SNX29: variants seen among roughly 807,000 people sequenced by gnomAD.
SNX29 encodes the protein sorting nexin 29.
Under a neutral mutation model 102.1 loss-of-function variants are expected in SNX29, and 78 were observed. The ratio of observed to expected loss-of-function variants is 0.76; its 90% CI spans 0.64 to 0.92. The LOEUF is 0.92. Ranked by LOEUF, SNX29 falls within the 40% of genes least tolerant of loss-of-function variation. The pLI, the probability that SNX29 is intolerant of heterozygous loss-of-function variation, is 0.00. For missense variants in SNX29, 1,280 were observed against 1,061.7 expected, an observed-to-expected ratio of 1.21 and a Z score of -2.86; for synonymous variants, 580 against 414.5, an observed-to-expected ratio of 1.40 and a Z score of -4.85.
chr16:12,543,243 C>G (rs185207951), intron 20 of SNX29, among the ~76,000 whole-genome samples: 3 of 152,184 alleles, frequency 2.0e-5, no homozygotes, highest in African/African-American at 7.2e-5. Flanking sequence ...TCTAGAGATT[C>G]TGAATGATGC....
chr16:12,276,724 G>T (rs1396813055), intron 14 of SNX29, among the ~76,000 whole-genome samples: 1 of 152,092 alleles, frequency 6.6e-6, no homozygotes, highest in Non-Finnish European at 1.5e-5. Context: ...GGTCTTCCCT[G>T]TTCTTGTTTT....
chr16:12,420,172 G>GTC (rs1438754905), intron 18 of SNX29, among the ~76,000 whole-genome samples: 3 of 152,234 alleles, frequency 2.0e-5, no homozygotes, highest in African/African-American at 7.2e-5. Context: ...AAGCTAAGAT[G>GTC]TCTCCAGCAT....
rs573852987 is a variant in SNX29, at chr16:12,157,206, G to A, written c.1595+27448G>A. On this transcript the variant is annotated intron_variant, in intron 13 of 20. Transcript: ENST00000566228. ...ATCCACCAACATCCACCCCCCATAGGCTGATGGTTGTCCCCTCAAGGTGCT... is the reference window on the plus strand; with the variant it reads ...ATCCACCAACATCCACCCCCCATAGACTGATGGTTGTCCCCTCAAGGTGCT... Among the ~76,000 whole-genome samples the A allele has an allele frequency of 2.6e-5, 4 of 152,270 alleles. No individual in the cohort carries two copies. In the South Asian group the frequency reaches 6.2e-4, roughly 24 times the overall value.
intron 13 of SNX29, among the ~76,000 whole-genome samples, chr16:12,190,203 C>T (rs546275158): frequency 2.4e-4 from 36 of 152,284 alleles, no homozygotes; most frequent in Non-Finnish European, 4.1e-4. Context: ...TGGCCTAGTG[C>T]TGGAGGGTAG....
At chr16:12,423,564 G>C (rs2084947570) in intron 18 of SNX29, among the ~76,000 whole-genome samples, 1 of 151,960 alleles carries the variant, frequency 6.6e-6, no homozygotes, top group Non-Finnish European at 1.5e-5. Flanking sequence ...TTTGGGACAT[G>C]CTTTTTTTTC....
intron 13 of SNX29, among the ~76,000 whole-genome samples, chr16:12,155,164 G>C (rs981240002): frequency 6.6e-6 from 1 of 152,130 alleles, no homozygotes; most frequent in East Asian, 1.9e-4. Flanking sequence ...GCGCCCAGGG[G>C]ACTCTGGCTC....
intron 15 of SNX29, among the ~76,000 whole-genome samples, chr16:12,330,087 GAATT>G (rs1300888375): frequency 2.0e-5 from 3 of 152,158 alleles, no homozygotes; most frequent in African/African-American, 7.2e-5. Flanking sequence ...GTTGTTTTGA[GAATT>G]AAATAATTTA....
At chr16:12,200,388 C>T (rs2076883587) in intron 14 of SNX29, among the ~76,000 whole-genome samples, 1 of 152,134 alleles carries the variant, frequency 6.6e-6, no homozygotes, top group Non-Finnish European at 1.5e-5. Context: ...ATGTGTCTTG[C>T]AGCCCTCAGC....
intron 9 of SNX29, among the ~76,000 whole-genome samples, chr16:12,062,990 C>A (rs569568041): frequency 1.8e-4 from 28 of 152,278 alleles, no homozygotes; most frequent in African/African-American, 5.8e-4. Context: ...GTTGCTGTGT[C>A]CTCATCTGGA....
intron 3 of SNX29, among the ~76,000 whole-genome samples, chr16:12,005,521 T>G (rs1371654745): frequency 6.6e-6 from 1 of 152,106 alleles, no homozygotes; most frequent in African/African-American, 2.4e-5. Context: ...TAGGAAAGAC[T>G]CCTCCTTCCT....
At chr16:12,136,440 A>T (rs533967115) in intron 13 of SNX29, among the ~76,000 whole-genome samples, 1 of 152,296 alleles carries the variant, frequency 6.6e-6, no homozygotes, top group Non-Finnish European at 1.5e-5. Flanking sequence ...CATGCCTTTG[A>T]TGGCAGAAAC....
rs113016163 is a variant in SNX29, at chr16:12,550,362, C to T, written c.2319-18144C>T. ...CCAGCCTAGCCAACAAGAGGAAAAC[C>T]CATCTCTACTAAAAATCCAAAAATT... is the stretch of plus-strand genomic sequence containing the variant. On this transcript the variant is annotated intron_variant, in intron 20 of 20. Transcript: ENST00000566228. Among the ~76,000 whole-genome samples, 1,431 of 152,138 alleles carry T rather than the reference C, an allele frequency of 9.4e-3. 24 individuals are homozygous for T. Among genetic ancestry groups the T allele is most frequent in the African/African-American group, 0.033 (1,363 of 41,500 alleles).
intron 4 of SNX29, among the ~76,000 whole-genome samples, chr16:12,042,374 C>T (rs1379970708): frequency 2.0e-5 from 3 of 152,150 alleles, no homozygotes; most frequent in Non-Finnish European, 2.9e-5. Flanking sequence ...AGGTTTGTTA[C>T]CTGGGTACAT....
intron 19 of SNX29, among the ~76,000 whole-genome samples, chr16:12,486,489 G>T (rs1181848377): frequency 1.3e-5 from 2 of 152,224 alleles, no homozygotes; most frequent in African/African-American, 4.8e-5. Context: ...CTTTACAAAT[G>T]GGGCAGCAGA....
rs78791935 is a variant in SNX29, at chr16:12,195,554, G to C, written c.1596-4047G>C. 8.3e-4 allele frequency among the ~76,000 whole-genome samples: 126 copies of C among 152,318 alleles called. No individual in the cohort carries two copies. The East Asian group carries it at 0.023, about 28-fold the overall frequency. Reference sequence around the variant, plus strand: ...GAGGAAAGTTCCTTAGCCTCTCTTAGCAAAGCTGGCTGGTCAGGAGGATCC... The same window carrying C: ...GAGGAAAGTTCCTTAGCCTCTCTTACCAAAGCTGGCTGGTCAGGAGGATCC... On this transcript the variant is annotated intron_variant, in intron 13 of 20. Transcript: ENST00000566228.
chr16:12,292,179 G>A (rs1458881326), intron 15 of SNX29, among the ~76,000 whole-genome samples: 1 of 152,278 alleles, frequency 6.6e-6, no homozygotes, highest in Middle Eastern at 3.4e-3. Flanking sequence ...AGTCCAGATG[G>A]CAGGAACAGC....
chr16:12,251,219 TA>T (rs1024138726), intron 14 of SNX29, among the ~76,000 whole-genome samples: 1 of 152,256 alleles, frequency 6.6e-6, no homozygotes, highest in African/African-American at 2.4e-5. Flanking sequence ...GTGGACGTGA[TA>T]ATAGCTCCTG....
At chr16:12,221,867 C>G (rs568639530) in intron 14 of SNX29, among the ~76,000 whole-genome samples, 1 of 152,286 alleles carries the variant, frequency 6.6e-6, no homozygotes, top group Non-Finnish European at 1.5e-5. Flanking sequence ...CTTGGGTGCA[C>G]TAAGGAACTC....
intron 8 of SNX29, among the ~76,000 whole-genome samples, chr16:12,058,432 A>G (rs2050609448): frequency 6.6e-6 from 1 of 150,886 alleles, no homozygotes; most frequent in Non-Finnish European, 1.5e-5. Context: ...AGGAATCTTT[A>G]ATGTCACTCA....
Sources: gnomAD v4.1 joint callset for allele counts (sites outside exome capture counted in the v4.1 genomes callset) on GRCh38, gnomAD v4.1.1 for gene constraint, MANE v1.5 for transcripts, NCBI Gene and HGNC (gene_info 2026-07-23, HGNC 2026-07-21) for gene names.